COL4A5: variants seen among roughly 807,000 people sequenced by gnomAD.
The protein encoded by COL4A5 is collagen type IV alpha 5 chain, also known as collagen alpha-5(IV) chain.
A neutral mutation model predicts 130.2 loss-of-function variants in COL4A5; 26 were observed. That is an observed-to-expected ratio of 0.20 (90% confidence interval 0.15 to 0.28). The LOEUF (loss-of-function observed/expected upper bound fraction) is 0.28. COL4A5 is among the 10% of genes least tolerant of loss of function. The pLI is 1.00. For missense variants in COL4A5, 1,131 were observed against 1,344.3 expected, an observed-to-expected ratio of 0.84 and a Z score of 2.48; for synonymous variants, 496 against 439.6, an observed-to-expected ratio of 1.13 and a Z score of -1.60.
chrX:108,526,656 CTTTCT>C lies in COL4A5; in HGVS notation c.82-13088_82-13084del, dbSNP rs1160452497. ...TCTTTCTTTCTTTCTTTCTTTCTTT[CTTTCT>C]TCTTTCTTTCTCTTTCTTTCTTTCT... On this transcript the variant is annotated intron_variant, in intron 1 of 52. Transcript: ENST00000328300. Among the ~76,000 whole-genome samples the C allele has an allele frequency of 2.0e-3, 101 of 51,793 alleles. 2 individuals carry two copies. The highest frequency in any genetic ancestry group is 7.2e-3 in the African/African-American group (62 of 8,604). The allele number at this position is 51,793 out of a possible 115,157, so 45.0% of individuals were successfully genotyped here. A position where few individuals can be genotyped will look rare whatever the true frequency, so the allele number is the denominator to read the frequency against.
intron 36 of COL4A5, among the ~76,000 whole-genome samples, chrX:108,629,462 G>A (rs1781375572): frequency 1.8e-5 from 2 of 110,583 alleles, no homozygotes; most frequent in South Asian, 3.8e-4. Context: ...GAAGTGATAA[G>A]AAATGGGCAG....
rs971966005 is a variant in COL4A5 at position 108,597,406 on chromosome X, C to T, written c.1617C>T (p.Gly539=). ...PGIPGAPGAP[G]FPGSKGEPGD... ...TTCCAGGAGCTCCAGGTGCTCCAGG[C>T]TTTCCTGGATCTAAAGGTGAACCTG... Residue 539 remains glycine, a synonymous_variant, in exon 24 of 53, where the codon GGC becomes GGT. Coordinates refer to ENST00000328300, the MANE Select transcript of COL4A5 (RefSeq NM_033380.3). 1.7e-6 allele frequency: 2 copies of T among 1,207,601 alleles called. No homozygotes were observed. The highest frequency in any genetic ancestry group is 3.0e-5 in the East Asian group (1 of 33,692).
chrX:108,661,720 A>T (rs1262035335), intron 37 of COL4A5, among the ~76,000 whole-genome samples: 1 of 111,026 alleles, frequency 9.0e-6, no homozygotes, highest in Admixed American at 9.7e-5. Context: ...AGAATGCTGA[A>T]TATTGTTCTA....
intron 44 of COL4A5, among the ~76,000 whole-genome samples, chrX:108,678,840 A>G (rs1233549572): frequency 1.8e-5 from 2 of 111,856 alleles, no homozygotes; most frequent in Non-Finnish European, 3.8e-5. Context: ...CTTCCAGTAC[A>G]GGATCCAGGC....
At chrX:108,684,313 A>G (rs1338144100) in intron 47 of COL4A5, among the ~76,000 whole-genome samples, 2 of 111,652 alleles carry the variant, frequency 1.8e-5, no homozygotes, top group East Asian at 2.8e-4. Flanking sequence ...CAAAAAATCA[A>G]TGAATCCAGG....
At chrX:108,695,116 G>T in intron 51 of COL4A5, 151 bp from the exon 52 acceptor site, 3 of 751,875 alleles carry the variant, frequency 4.0e-6, no homozygotes, top group South Asian at 2.2e-5. Context: ...ACTTTTTTTT[G>T]ACTACCCTTG....
At chrX:108,669,673 C>A (rs1603311357) in intron 41 of COL4A5, among the ~76,000 whole-genome samples, 2 of 111,907 alleles carry the variant, frequency 1.8e-5, no homozygotes, top group African/African-American at 6.5e-5. Context: ...AAACTATTAT[C>A]TTTTTTATAT....
chrX:108,525,718 A>C (rs1206808932), intron 1 of COL4A5, among the ~76,000 whole-genome samples: 1 of 111,336 alleles, frequency 9.0e-6, no homozygotes, highest in Non-Finnish European at 1.9e-5. Context: ...GAGTTTACTT[A>C]AGATTTATAG....
At chrX:108,483,859 T>C (rs1014627575) in intron 1 of COL4A5, among the ~76,000 whole-genome samples, 6 of 112,632 alleles carry the variant, frequency 5.3e-5, no homozygotes, top group African/African-American at 1.9e-4. Flanking sequence ...TGCATTTCTC[T>C]GATGAACAAT....
intron 1 of COL4A5, among the ~76,000 whole-genome samples, chrX:108,531,070 G>T (rs1019031609): frequency 9.4e-6 from 1 of 106,407 alleles, no homozygotes; most frequent in African/African-American, 3.4e-5. Flanking sequence ...GGACATGGAT[G>T]AAATTGGAAA....
At position 108,661,986 on chromosome X, in the gene COL4A5, A is replaced by G. The variant is rs1400989448; in HGVS notation, c.3374-3521A>G. ...TGTGCACAATGTGCAGGTTTGTTAC[A>G]TATGTATACATGTGCCATGTTGGTG... On this transcript the variant is annotated intron_variant, in intron 37 of 52. Transcript: ENST00000328300. 3.7e-5 allele frequency among the ~76,000 whole-genome samples: 4 copies of G among 108,452 alleles called. No homozygotes were observed. In the Admixed American group the frequency reaches 4.0e-4, roughly 11 times the overall value. The allele number at this position is 108,452 out of a possible 115,157, so 94.2% of individuals were successfully genotyped here. A position where few individuals can be genotyped will look rare whatever the true frequency, so the allele number is the denominator to read the frequency against.
chrX:108,526,654 TTC>T (rs1377087358), intron 1 of COL4A5, among the ~76,000 whole-genome samples: 1 of 63,386 alleles, frequency 1.6e-5, no homozygotes, highest in Non-Finnish European at 2.6e-5. Flanking sequence ...CTTTCTTTCT[TTC>T]TTTCTTCTTT....
At chrX:108,440,585 A>T (rs2064384603) in intron 1 of COL4A5, 1 of 180,191 alleles carries the variant, frequency 5.5e-6, no homozygotes, top group Non-Finnish European at 1.0e-5. Context: ...CACTACTTGT[A>T]CCCAGCCCAC....
At chrX:108,686,926 C>T (rs1012340528) in intron 48 of COL4A5, among the ~76,000 whole-genome samples, 3 of 112,020 alleles carry the variant, frequency 2.7e-5, no homozygotes, top group African/African-American at 9.7e-5. Flanking sequence ...GTGTCATCTT[C>T]ATCACAAGTG....
intron 2 of COL4A5, among the ~76,000 whole-genome samples, chrX:108,554,894 C>T (rs1471593703): frequency 3.6e-5 from 4 of 111,384 alleles, no homozygotes; most frequent in Admixed American, 2.9e-4. Flanking sequence ...ACAAAAAACC[C>T]CAAACTTTTA....
chrX:108,501,645 C>A (rs2065080179), intron 1 of COL4A5, among the ~76,000 whole-genome samples: 1 of 112,129 alleles, frequency 8.9e-6, no homozygotes, highest in African/African-American at 3.2e-5. Flanking sequence ...AAGCCATCTG[C>A]TAACAATTGT....
chrX:108,635,334 G>A (rs1263428168), intron 36 of COL4A5, among the ~76,000 whole-genome samples: 1 of 111,569 alleles, frequency 9.0e-6, no homozygotes, highest in East Asian at 2.8e-4. Flanking sequence ...AAATTATAAA[G>A]CATTCTATAC....
chrX:108,662,776 A>G (rs186203905), intron 37 of COL4A5, among the ~76,000 whole-genome samples: 95 of 112,268 alleles, frequency 8.5e-4, no homozygotes, highest in African/African-American at 2.9e-3. Context: ...GAAAATGGCC[A>G]TACTGCCCAA....
At chrX:108,559,277 A>G in intron 3 of COL4A5, 124 bp downstream of exon 3, 1 of 562,267 alleles carries the variant, frequency 1.8e-6, no homozygotes, top group Non-Finnish European at 3.1e-6. Flanking sequence ...AAATGAAACA[A>G]TGGAATGACG....
Sources: gnomAD v4.1 joint callset for allele counts (sites outside exome capture counted in the v4.1 genomes callset) on GRCh38, gnomAD v4.1.1 for gene constraint, MANE v1.5 for transcripts, NCBI Gene and HGNC (gene_info 2026-07-23, HGNC 2026-07-21) for gene names.